Variants in TRIM37 observed in about 807,000 individuals in gnomAD.
The protein encoded by TRIM37 is E3 ubiquitin-protein ligase TRIM37.
Under a neutral mutation model 129.8 loss-of-function variants are expected in TRIM37, and 80 were observed. That is an observed-to-expected ratio of 0.62 (90% CI 0.51 to 0.74). The LOEUF is 0.74. TRIM37 is among the 30% of genes least tolerant of loss of function. TRIM37 has a pLI of 0.00. For missense variants in TRIM37, 1,054 were observed against 1,176.5 expected (o/e 0.90, Z 1.52); for synonymous variants, 389 against 387.1 (o/e 1.00, Z -0.06).
At chr17:59,015,908 G>C in intron 20 of TRIM37, 109 bp from the exon 21 acceptor site, 1 of 1,057,942 alleles carries the variant, frequency 9.5e-7, no homozygotes, top group South Asian at 1.4e-5. Context: ...GAACCTGGGA[G>C]GCGGAGGTTG....
chr17:58,968,780 T>TATC, the TRIM37 span, among the ~76,000 whole-genome samples: 1 of 152,210 alleles, frequency 6.6e-6, no homozygotes, highest in Non-Finnish European at 1.5e-5. Context: ...ATCTTATGAT[T>TATC]AGGCTTTTGT....
intron 17 of TRIM37, among the ~76,000 whole-genome samples, chr17:59,038,953 TTGAC>T (rs2038849456): frequency 6.6e-6 from 1 of 152,150 alleles, no homozygotes; most frequent in African/African-American, 2.4e-5. Flanking sequence ...AACTACAGCT[TTGAC>T]TGGACAAGAG....
chr17:59,042,596 C>T (rs1389985509), intron 16 of TRIM37, among the ~76,000 whole-genome samples: 1 of 151,104 alleles, frequency 6.6e-6, no homozygotes, highest in Admixed American at 6.6e-5. Flanking sequence ...AACCCTGTCT[C>T]TCCTAAAAAT....
chr17:59,044,302 C>T (rs1402444070), intron 16 of TRIM37, among the ~76,000 whole-genome samples: 1 of 151,966 alleles, frequency 6.6e-6, no homozygotes, highest in Non-Finnish European at 1.5e-5. Context: ...AGGGCAAGAC[C>T]CCGTCTCAAA....
intron 16 of TRIM37, among the ~76,000 whole-genome samples, chr17:59,042,447 AAAATATATAT>A (rs2039335845): frequency 1.0e-4 from 4 of 38,970 alleles, no homozygotes; most frequent in Non-Finnish European, 1.5e-4. Context: ...AAAAAAAAAA[AAAATATATAT>A]ATATATATAT....
Position 58,998,706 on chromosome 17 carries a change from C to T in TRIM37, c.*671G>A. 1 of 985,426 alleles carries T rather than the reference C, an allele frequency of 1.0e-6. No homozygotes were observed. The highest frequency in any genetic ancestry group is 1.7e-5 in the African/African-American group (1 of 57,312). 61.0% of individuals were successfully genotyped at this position (985,426 alleles called of 1,614,324 possible). A position where few individuals can be genotyped will look rare whatever the true frequency, so the allele number is the denominator to read the frequency against. ...TTACACGTGTCTACAGGGCCAGGAA[C>T]GTAATGAATCCATGTTAACTTAATT... On this transcript the variant is annotated 3_prime_UTR_variant, in exon 24 of 24. Transcript: ENST00000262294.
intron 16 of TRIM37, among the ~76,000 whole-genome samples, chr17:59,044,623 TTATTCTG>T: frequency 6.6e-6 from 1 of 152,306 alleles, no homozygotes; most frequent in Middle Eastern, 3.4e-3. Flanking sequence ...CCCCTTGTCA[TTATTCTG>T]TATACAATAG....
chr17:59,044,305 G>A (rs763774483), intron 16 of TRIM37, among the ~76,000 whole-genome samples: 8 of 151,992 alleles, frequency 5.3e-5, no homozygotes, highest in East Asian at 1.9e-4. Context: ...GCAAGACCCC[G>A]TCTCAAAAAA....
chr17:59,034,714 T>C (rs2031761632), intron 17 of TRIM37, among the ~76,000 whole-genome samples: 1 of 152,102 alleles, frequency 6.6e-6, no homozygotes, highest in South Asian at 2.1e-4. Context: ...TCAAAGACTT[T>C]GGGTTGGCAC....
the TRIM37 span, among the ~76,000 whole-genome samples, chr17:58,973,456 T>C: frequency 6.6e-6 from 1 of 151,508 alleles, no homozygotes; most frequent in Non-Finnish European, 1.5e-5. Context: ...AATGCAGAAT[T>C]TTCTAGTTTC....
chr17:59,105,951 AAAG>A (rs1414897485), intron 1 of TRIM37, among the ~76,000 whole-genome samples: 3 of 152,244 alleles, frequency 2.0e-5, no homozygotes, highest in African/African-American at 7.2e-5. Flanking sequence ...TCAGTTATAA[AAAG>A]AAGAGTTTGT....
downstream of TRIM37, among the ~76,000 whole-genome samples, chr17:58,997,313 T>TA (rs890053225): frequency 9.3e-5 from 14 of 151,032 alleles, no homozygotes; most frequent in South Asian, 2.1e-4. Context: ...AATTAAAAGC[T>TA]AAAAAAAAAG....
chr17:58,998,958 T>A lies in TRIM37; in HGVS notation c.*419A>T, dbSNP rs1312729821. On this transcript the variant is annotated 3_prime_UTR_variant, in exon 24 of 24. Transcript: ENST00000262294. ...ATGGAACTGTAATTAAAACCCCAAA[T>A]ATAAAGATGATTATTTAAACACAAC... 2.8e-5 allele frequency: 29 copies of A among 1,035,274 alleles called. No individual in the cohort carries two copies. Among genetic ancestry groups the A allele is most frequent in the Non-Finnish European group, 3.4e-5 (29 of 859,630 alleles). The allele number at this position is 1,035,274 out of a possible 1,614,324, so 64.1% of individuals were successfully genotyped here.
At chr17:59,020,730 A>G (rs1180029712) in intron 19 of TRIM37, among the ~76,000 whole-genome samples, 1 of 152,198 alleles carries the variant, frequency 6.6e-6, no homozygotes, top group Non-Finnish European at 1.5e-5. Flanking sequence ...AAAGTGCTCA[A>G]CATCACTGAT....
chr17:59,001,512 T>A (rs1598810067), intron 23 of TRIM37, 86 bp downstream of exon 23: 2 of 1,545,090 alleles, frequency 1.3e-6, no homozygotes, highest in East Asian at 2.3e-5. Context: ...GCGGAAAAAG[T>A]AGAAGTAGCA....
downstream of TRIM37, among the ~76,000 whole-genome samples, chr17:58,979,783 G>T (rs2031254743): frequency 1.2e-4 from 19 of 152,184 alleles, no homozygotes. Flanking sequence ...TTAACTGGGA[G>T]TAAGGAGTAA....
intron 16 of TRIM37, among the ~76,000 whole-genome samples, chr17:59,044,467 C>A (rs1431850486): frequency 6.6e-6 from 1 of 151,946 alleles, no homozygotes; most frequent in Non-Finnish European, 1.5e-5. Flanking sequence ...GAGGCTGAGG[C>A]AGGGGAACTG....
intron 13 of TRIM37, among the ~76,000 whole-genome samples, chr17:59,052,615 A>G (rs577689417): frequency 6.6e-6 from 1 of 152,144 alleles, no homozygotes; most frequent in African/African-American, 2.4e-5. Context: ...GGGCATCATT[A>G]TATGTTATAA....
rs1443504505 is a variant in TRIM37, at chr17:59,056,877, T to TA, written c.1196dup (p.Leu399PhefsTer30). On this transcript the variant is annotated frameshift_variant, in exon 13 of 24. Transcript: ENST00000262294. LOFTEE classifies it high-confidence loss of function. The stretch of plus-strand genomic sequence containing the variant: ...CAACATCAAATTTTTCCTGTTACCT[T>TA]AAAATCACTGTATCATTTTGTGGAT... 6.2e-7 allele frequency: 1 copy of TA among 1,613,742 alleles called. No individual in the cohort carries two copies. Among genetic ancestry groups the TA allele is most frequent in the South Asian group, 1.1e-5 (1 of 91,070 alleles).
Sources: allele counts gnomAD v4.1 joint callset (sites outside exome capture counted in the v4.1 genomes callset), GRCh38; gene constraint gnomAD v4.1.1; transcripts MANE v1.5; gene names NCBI Gene and HGNC (gene_info 2026-07-23, HGNC 2026-07-21).